The following CECR2 variants were observed in gnomAD, a reference collection of about 807,000 sequenced individuals.
CECR2 encodes chromatin remodeling regulator CECR2.
Under a neutral mutation model 154.5 loss-of-function variants are expected in CECR2, and 30 were observed. The observed-to-expected ratio is 0.19, with a 90% confidence interval of 0.15 to 0.26. The LOEUF (loss-of-function observed/expected upper bound fraction) is 0.26, where lower values mean the gene tolerates loss of function less well. Among genes scored for constraint, CECR2 ranks in the 10% least tolerant of loss-of-function variants. The probability of loss-of-function intolerance (pLI) is 1.00; values close to 1 mark genes in which losing one functional copy is unlikely to be tolerated. For synonymous variants in CECR2, 725 were observed against 683.7 expected, an observed-to-expected ratio of 1.06 and a Z score of -0.94; for missense variants, 1,743 against 1,829.3, an observed-to-expected ratio of 0.95 and a Z score of 0.86.
chr22:17,375,418 A>G (rs1169576641), intron 1 of CECR2, among the ~76,000 whole-genome samples: 1 of 152,056 alleles, frequency 6.6e-6, no homozygotes, highest in Non-Finnish European at 1.5e-5. Flanking sequence ...CCCAGCCAGC[A>G]AATGTTTATT....
At chr22:17,527,342 C>T (rs2146975920) in intron 9 of CECR2, among the ~76,000 whole-genome samples, 1 of 152,214 alleles carries the variant, frequency 6.6e-6, no homozygotes, top group South Asian at 2.1e-4. Context: ...CCTGTAGTGC[C>T]AGCTACTTGG....
intron 9 of CECR2, among the ~76,000 whole-genome samples, chr22:17,527,055 A>C (rs1454399991): frequency 6.6e-6 from 1 of 152,228 alleles, no homozygotes; most frequent in African/African-American, 2.4e-5. Context: ...ACAAAGGATG[A>C]ATAACCAGAA....
chr22:17,380,457 G>C (rs2146468358), intron 1 of CECR2, among the ~76,000 whole-genome samples: 1 of 152,276 alleles, frequency 6.6e-6, no homozygotes, highest in Non-Finnish European at 1.5e-5. Flanking sequence ...ACACTGGAAT[G>C]GTCAGCTTTT....
At chr22:17,365,148 C>A (rs1370524182), upstream of CECR2, among the ~76,000 whole-genome samples, 1 of 151,202 alleles carries the variant, frequency 6.6e-6, no homozygotes, top group East Asian at 2.0e-4. Context: ...TGCTTGAACC[C>A]AGGAGGCAGA....
At chr22:17,434,676 C>T (rs1396252842) in intron 1 of CECR2, among the ~76,000 whole-genome samples, 1 of 149,134 alleles carries the variant, frequency 6.7e-6, no homozygotes, top group Admixed American at 6.7e-5. Flanking sequence ...GCTAAGCTGT[C>T]ACTCCTGTCT....
intron 14 of CECR2, 105 bp from the exon 15 acceptor site, chr22:17,541,734 C>CT: frequency 7.2e-7 from 1 of 1,380,504 alleles, no homozygotes; most frequent in Non-Finnish European, 9.8e-7. Flanking sequence ...GTTTAGTCGT[C>CT]TGTTTTATTT....
intron 4 of CECR2, among the ~76,000 whole-genome samples, chr22:17,500,318 G>T (rs551321719): frequency 9.9e-5 from 15 of 151,926 alleles, no homozygotes; most frequent in Admixed American, 2.0e-4. Context: ...GCTTTACTAA[G>T]TAAGGAAGAG....
chr22:17,513,524 G>A (rs1004666829), intron 8 of CECR2, among the ~76,000 whole-genome samples: 1 of 152,178 alleles, frequency 6.6e-6, no homozygotes, highest in African/African-American at 2.4e-5. Context: ...ATTTACTTCA[G>A]TATATTTTGA....
intron 8 of CECR2, among the ~76,000 whole-genome samples, chr22:17,520,960 A>G (rs1569138670): frequency 6.6e-6 from 1 of 152,132 alleles, no homozygotes; most frequent in Non-Finnish European, 1.5e-5. Context: ...ATACCCAGTA[A>G]TGGGATCACT....
chr22:17,542,192 G>T lies in CECR2; in HGVS notation c.2049G>T (p.Arg683Ser), dbSNP rs80293963. The part of the protein sequence containing the change: ...PVGINSLRGP[R>S]LGTPEEKQMC... Reference sequence around the variant, plus strand: ...GAATTAACAGCCTCCGAGGACCCAGGCTAGGCACACCAGAGGAGAAGCAAA... The same window carrying T: ...GAATTAACAGCCTCCGAGGACCCAGTCTAGGCACACCAGAGGAGAAGCAAA... The change falls in exon 16 of 19, where the codon AGG (arginine) becomes AGT (serine). Residue 683 changes from arginine (R) to serine (S), a missense_variant. By Grantham distance (110) the Arg-to-Ser change is moderately radical. Around this residue, in one of 4 missense-constraint regions of CECR2, gnomAD observed 1,250 missense variants for 1,192.1 expected, o/e 1.05. Transcript: ENST00000262608. 182 of 1,612,970 alleles carry T rather than the reference G, an allele frequency of 1.1e-4. 1 individual carries two copies. The East Asian group carries it at 3.5e-3, about 31-fold the overall frequency.
At chr22:17,366,483 G>A (rs2146424269), upstream of CECR2, among the ~76,000 whole-genome samples, 1 of 152,260 alleles carries the variant, frequency 6.6e-6, no homozygotes, top group East Asian at 1.9e-4. Flanking sequence ...TACCGCCCCG[G>A]CAAACTGTGT....
intron 16 of CECR2, among the ~76,000 whole-genome samples, chr22:17,546,421 G>T (rs2056614974): frequency 6.8e-6 from 1 of 147,778 alleles, no homozygotes; most frequent in Non-Finnish European, 1.5e-5. Context: ...GGGAGGCGGA[G>T]CTTGCAGTGA....
At chr22:17,420,471 G>A (rs5992047) in intron 1 of CECR2, among the ~76,000 whole-genome samples, 33,334 of 151,908 alleles carry the variant, frequency 0.22, 5,199 homozygotes, top group African/African-American at 0.45. Flanking sequence ...AGCCTGTAGG[G>A]TATCTTTCTT....
intron 1 of CECR2, among the ~76,000 whole-genome samples, chr22:17,381,303 T>C (rs1207933454): frequency 6.6e-6 from 1 of 152,212 alleles, no homozygotes; most frequent in African/African-American, 2.4e-5. Flanking sequence ...CAGCCCTCCT[T>C]ACAGGAATGT....
At chr22:17,532,571 T>C (rs1336119641) in intron 9 of CECR2, among the ~76,000 whole-genome samples, 2 of 152,008 alleles carry the variant, frequency 1.3e-5, no homozygotes, top group African/African-American at 4.8e-5. Flanking sequence ...AAGGATTTAG[T>C]GTCTACAACG....
At chr22:17,411,833 T>A (rs945232358) in intron 1 of CECR2, among the ~76,000 whole-genome samples, 2 of 152,210 alleles carry the variant, frequency 1.3e-5, no homozygotes, top group Non-Finnish European at 2.9e-5. Context: ...ATGTAAAATG[T>A]ATCATATGAT....
At chr22:17,383,657 CTTTTTTTTT>C (rs57665657) in intron 1 of CECR2, among the ~76,000 whole-genome samples, 13 of 104,310 alleles carry the variant, frequency 1.2e-4, no homozygotes, top group South Asian at 3.2e-4. Context: ...TTCAGGTCCA[CTTTTTTTTT>C]TTTTTTTTTT....
chr22:17,460,370 C>T (rs1398985498), intron 1 of CECR2, among the ~76,000 whole-genome samples: 4 of 152,120 alleles, frequency 2.6e-5, no homozygotes, highest in African/African-American at 9.7e-5. Flanking sequence ...CCACCATGCC[C>T]GGCTAAGTTT....
intron 14 of CECR2, 79 bp from the exon 15 acceptor site, chr22:17,541,760 C>T: frequency 6.7e-7 from 1 of 1,500,734 alleles, no homozygotes; most frequent in Non-Finnish European, 9.0e-7. Flanking sequence ...GAACGTTCAT[C>T]TTCAGGAAAA....
Sources: allele counts gnomAD v4.1 joint callset (sites outside exome capture counted in the v4.1 genomes callset), GRCh38; gene constraint gnomAD v4.1.1; regional missense constraint gnomAD v4.1.1; transcripts MANE v1.5; gene names NCBI Gene and HGNC (gene_info 2026-07-23, HGNC 2026-07-21).